INTU: variants seen among roughly 807,000 people sequenced by gnomAD.
INTU encodes the protein inturned planar cell polarity protein.
In INTU, 68 loss-of-function variants were observed where a neutral mutation model predicts 100.5. The ratio of observed to expected loss-of-function variants is 0.68; its 90% CI spans 0.56 to 0.83. The LOEUF (loss-of-function observed/expected upper bound fraction) is 0.83, where lower values mean the gene tolerates loss of function less well. INTU is among the 40% of genes least tolerant of loss of function. The pLI, the probability that INTU is intolerant of heterozygous loss-of-function variation, is 0.00. For synonymous variants in INTU, 357 were observed against 395.7 expected (o/e 0.90, Z 1.16); for missense variants, 1,071 against 1,114.7 (o/e 0.96, Z 0.56).
At position 127,656,624 on chromosome 4, in the gene INTU, T is replaced by C; in HGVS notation, c.683-12T>C. 1 of 1,588,722 alleles carries C rather than the reference T, an allele frequency of 6.3e-7. No individual in the cohort carries two copies. Among genetic ancestry groups the C allele is most frequent in the Non-Finnish European group, 8.6e-7 (1 of 1,157,696 alleles). ...TTCATAAAACTATCTTTTATTGTTATTCTGGTTTCAGGTGATGTCCTTGTT... is the reference window on the plus strand; with the variant it reads ...TTCATAAAACTATCTTTTATTGTTACTCTGGTTTCAGGTGATGTCCTTGTT... On this transcript the variant is annotated splice_polypyrimidine_tract_variant and intron_variant, in intron 2 of 15. Transcript: ENST00000335251.
At chr4:127,683,743 A>G (rs1000371500) in intron 6 of INTU, 2 of 152,232 alleles carry the variant, frequency 1.3e-5, no homozygotes, top group African/African-American at 4.8e-5. Context: ...TGGGAGAATA[A>G]CTTTGGGTCT....
chr4:127,649,642 G>T (rs1727746896), intron 2 of INTU, among the ~76,000 whole-genome samples: 3 of 152,004 alleles, frequency 2.0e-5, no homozygotes, highest in South Asian at 4.1e-4. Flanking sequence ...GGATTTTGGA[G>T]GATTTTGGAT....
chr4:127,708,335 G>A (rs1730969729), intron 12 of INTU, among the ~76,000 whole-genome samples: 1 of 152,098 alleles, frequency 6.6e-6, no homozygotes, highest in African/African-American at 2.4e-5. Flanking sequence ...TACAAATTTG[G>A]TAATGGCTCT....
At position 127,720,953 on chromosome 4, in the gene INTU, C is replaced by T. The variant is rs1051169741; in HGVS notation, c.*4517C>T. The T allele has an allele frequency of 1.3e-5, 2 of 152,036 alleles. No individual in the cohort carries two copies. The highest frequency in any genetic ancestry group is 2.4e-5 in the African/African-American group (1 of 41,384). 9.4% of individuals were successfully genotyped at this position (152,036 alleles called of 1,614,324 possible). Reference sequence around the variant, plus strand: ...GCCACTCTGCGTCTTTTATTTGGGGCATTTAGTGCATTTACATTTAAGGTT... The same window carrying T: ...GCCACTCTGCGTCTTTTATTTGGGGTATTTAGTGCATTTACATTTAAGGTT... On this transcript the variant is annotated 3_prime_UTR_variant, in exon 16 of 16. Transcript: ENST00000335251.
At chr4:127,633,206 A>AATCCC in intron 1 of INTU, 26 bp downstream of exon 1, 2 of 1,607,334 alleles carry the variant, frequency 1.2e-6, no homozygotes, top group Non-Finnish European at 1.7e-6. Context: ...AGGGACAATT[A>AATCCC]ATCCCATCCC....
At chr4:127,641,057 T>G (rs1057268919) in intron 1 of INTU, among the ~76,000 whole-genome samples, 1 of 151,970 alleles carries the variant, frequency 6.6e-6, no homozygotes, top group Non-Finnish European at 1.5e-5. Flanking sequence ...AAAGTTCTGG[T>G]GATTTTCAAG....
In INTU at chr4:127,632,996, A is replaced by C. The variant is rs1397373465; in HGVS notation, c.-39A>C. 2 of 1,587,212 alleles carry C rather than the reference A, an allele frequency of 1.3e-6. No individual in the cohort carries two copies. Reference sequence around the variant, plus strand: ...GGCCTTAGCAAGCTATAGCTGCGAGATTTGAATTACTCCACTCGTAGCTAT... The same window carrying C: ...GGCCTTAGCAAGCTATAGCTGCGAGCTTTGAATTACTCCACTCGTAGCTAT... On this transcript the variant is annotated 5_prime_UTR_variant, in exon 1 of 16. Coordinates refer to ENST00000335251, the MANE Select transcript of INTU (RefSeq NM_015693.4).
intron 2 of INTU, among the ~76,000 whole-genome samples, chr4:127,651,178 C>T (rs2126186171): frequency 6.6e-6 from 1 of 152,024 alleles, no homozygotes; most frequent in Admixed American, 6.5e-5. Context: ...TGCCTGTTCA[C>T]TCTGATGGTA....
chr4:127,650,281 G>A (rs1233968195), intron 2 of INTU, among the ~76,000 whole-genome samples: 1 of 151,702 alleles, frequency 6.6e-6, no homozygotes, highest in Non-Finnish European at 1.5e-5. Context: ...GTGCAGGTTA[G>A]TTACATATGT....
In INTU at chr4:127,646,802, G is replaced by C. The variant is rs955233640; in HGVS notation, c.682+2746G>C. On this transcript the variant is annotated intron_variant, in intron 2 of 15. Transcript: ENST00000335251. Reference sequence around the variant, plus strand: ...TCTAGTTTGGTGCCCACATATTATAGACGAGGGGTTGAGATTGAAACTCAA... The same window carrying C: ...TCTAGTTTGGTGCCCACATATTATACACGAGGGGTTGAGATTGAAACTCAA... 2.6e-5 allele frequency among the ~76,000 whole-genome samples: 4 copies of C among 152,076 alleles called. No homozygotes were observed. In the East Asian group the frequency reaches 7.7e-4, roughly 29 times the overall value.
rs748006149 is a variant in INTU at position 127,643,805 on chromosome 4, A to G, written c.431A>G (p.His144Arg). 6 of 1,614,064 alleles carry G rather than the reference A, an allele frequency of 3.7e-6. No individual in the cohort carries two copies. In the South Asian group the frequency reaches 6.6e-5, roughly 18 times the overall value. The change falls in exon 2 of 16, where the codon CAT becomes CGT. Residue 144 changes from histidine (H) to arginine (R), a missense_variant. Physicochemically the swap from His to Arg is conservative, Grantham distance 29. Transcript: ENST00000335251. Reference sequence around the variant, plus strand: ...AATGGACCAGTATCCATTCTAAAGCATCAGTCCAATCAGAAGACAGGAGTC... The same window carrying G: ...AATGGACCAGTATCCATTCTAAAGCGTCAGTCCAATCAGAAGACAGGAGTC... ...NDNGPVSILK[H>R]QSNQKTGVIV...
At chr4:127,639,514 G>T (rs761778672) in intron 1 of INTU, among the ~76,000 whole-genome samples, 2 of 152,000 alleles carry the variant, frequency 1.3e-5, no homozygotes, top group African/African-American at 4.8e-5. Flanking sequence ...GTTTTTTGTT[G>T]TTGTTGTTGT....
Position 127,706,724 on chromosome 4 carries a change from A to G in INTU, c.2026A>G (p.Ile676Val), listed in dbSNP as rs200548627. 110 of 1,614,100 alleles carry G rather than the reference A, an allele frequency of 6.8e-5. No homozygotes were observed. Among genetic ancestry groups the G allele is most frequent in the Admixed American group, 2.0e-4 (12 of 59,986 alleles). Residue 676 changes from isoleucine to valine, a missense_variant, in exon 12 of 16, where the codon ATT becomes GTT. Coordinates refer to ENST00000335251, the MANE Select transcript of INTU (RefSeq NM_015693.4). ...AACAGATAGCTTGACCACTTCGCCTATTCTCAGTAGGCTACAAGGTACTTC... is the reference window on the plus strand; with the variant it reads ...AACAGATAGCTTGACCACTTCGCCTGTTCTCAGTAGGCTACAAGGTACTTC... The part of the protein sequence containing the change: ...EKTDSLTTSP[I>V]LSRLQGTSKV...
intron 2 of INTU, among the ~76,000 whole-genome samples, chr4:127,653,095 A>C (rs1353842022): frequency 1.3e-5 from 2 of 151,054 alleles, no homozygotes; most frequent in East Asian, 3.9e-4. Context: ...TATTGTGTCT[A>C]TTTGATTCTT....
At chr4:127,688,540 C>G (rs1729940983) in intron 8 of INTU, among the ~76,000 whole-genome samples, 1 of 152,132 alleles carries the variant, frequency 6.6e-6, no homozygotes, top group Non-Finnish European at 1.5e-5. Flanking sequence ...CTTCTCTGCT[C>G]TTGAAGAAAC....
intron 1 of INTU, 31 bp downstream of exon 1, chr4:127,633,211 C>A: frequency 3.1e-6 from 5 of 1,604,386 alleles, no homozygotes; most frequent in Non-Finnish European, 4.3e-6. Context: ...CAATTAATCC[C>A]ATCCCATCAA....
chr4:127,683,944 C>G (rs1031266013), intron 6 of INTU: 1 of 152,456 alleles, frequency 6.6e-6, no homozygotes, highest in Non-Finnish European at 1.5e-5. Flanking sequence ...TTCTTCCCAT[C>G]CTCCATTTCA....
At chr4:127,669,587 T>C (rs1728833521) in intron 5 of INTU, among the ~76,000 whole-genome samples, 1 of 151,872 alleles carries the variant, frequency 6.6e-6, no homozygotes, top group Non-Finnish European at 1.5e-5. Flanking sequence ...CAAACAGAAT[T>C]GGCAAGAATG....
At position 127,663,547 on chromosome 4, in the gene INTU, T is replaced by C. The variant is rs780358181; in HGVS notation, c.935T>C (p.Leu312Pro). The change falls in exon 4 of 16, where the codon CTC (leucine) becomes CCC (proline). Residue 312 changes from leucine (L) to proline (P), a missense_variant. Transcript: ENST00000335251. ...GLNTPHIIMYLTLQLDSETSK... is the reference protein window; with the variant it reads ...GLNTPHIIMYPTLQLDSETSK... Reference sequence around the variant, plus strand: ...AACACTCCTCATATCATTATGTATCTCACACTACAGCTCGACTCAGAAACC... The same window carrying C: ...AACACTCCTCATATCATTATGTATCCCACACTACAGCTCGACTCAGAAACC... 3 of 1,613,326 alleles carry C rather than the reference T, an allele frequency of 1.9e-6. No individual in the cohort carries two copies. The highest frequency in any genetic ancestry group is 2.5e-6 in the Non-Finnish European group (3 of 1,179,512).
Sources: gnomAD v4.1 joint callset for allele counts (sites outside exome capture counted in the v4.1 genomes callset) on GRCh38, gnomAD v4.1.1 for gene constraint, MANE v1.5 for transcripts, NCBI Gene and HGNC (gene_info 2026-07-23, HGNC 2026-07-21) for gene names.